The following CENPE variants were observed in gnomAD, a reference collection of about 807,000 sequenced individuals.
The protein encoded by CENPE is centromere protein E.
A neutral mutation model predicts 336.1 loss-of-function variants in CENPE; 145 were observed. That is an observed-to-expected ratio of 0.43 (90% CI 0.38 to 0.50). The LOEUF is 0.50. CENPE is among the 20% of genes least tolerant of loss of function. The probability of loss-of-function intolerance (pLI) is 0.00; values close to 1 mark genes in which losing one functional copy is unlikely to be tolerated. For synonymous variants in CENPE, 1,013 were observed against 984.8 expected, an observed-to-expected ratio of 1.03 and a Z score of -0.54; for missense variants, 2,719 against 3,023.3, an observed-to-expected ratio of 0.90 and a Z score of 2.36.
rs1306850399 is a variant in CENPE, at chr4:103,196,154, A to C, written c.238+9T>G. On this transcript the variant is annotated intron_variant, in intron 3 of 48. Coordinates refer to ENST00000265148, the MANE Select transcript of CENPE (RefSeq NM_001813.3). Reference sequence around the variant, plus strand: ...TAAAATGTTTCTGCAGCATTGAGTGAATACAAACCATTGTAGCCTTGTATG... The same window carrying C: ...TAAAATGTTTCTGCAGCATTGAGTGCATACAAACCATTGTAGCCTTGTATG... The C allele has an allele frequency of 3.7e-6, 6 of 1,608,266 alleles. No homozygotes were observed. Among genetic ancestry groups the C allele is most frequent in the African/African-American group, 1.3e-5 (1 of 74,810 alleles).
At chr4:103,193,797 CTAAAG>C (rs1757539691) in intron 8 of CENPE, among the ~76,000 whole-genome samples, 1 of 151,952 alleles carries the variant, frequency 6.6e-6, no homozygotes, top group Non-Finnish European at 1.5e-5. Flanking sequence ...TAAGTAAAAC[CTAAAG>C]TAATGTGATT....
rs1748859927 is a variant in CENPE at position 103,105,908 on chromosome 4, T to G, written c.*314A>C. 1 of 183,308 alleles carries G rather than the reference T, an allele frequency of 5.5e-6. No homozygotes were observed. The highest frequency in any genetic ancestry group is 1.1e-5 in the Non-Finnish European group (1 of 88,690). The allele number at this position is 183,308 out of a possible 1,614,324, so 11.4% of individuals were successfully genotyped here. ...TTTTATATTAATGTATGTATTATGC[T>G]TTGGAATATGCTAAGTCATGTAGAT... On this transcript the variant is annotated 3_prime_UTR_variant, in exon 49 of 49. Coordinates refer to ENST00000265148, the MANE Select transcript of CENPE (RefSeq NM_001813.3).
intron 42 of CENPE, among the ~76,000 whole-genome samples, chr4:103,126,320 C>T (rs1239128943): frequency 6.6e-6 from 1 of 152,046 alleles, no homozygotes; most frequent in Admixed American, 6.6e-5. Flanking sequence ...GAAACTATTT[C>T]ACCAGAGCCT....
In CENPE at chr4:103,133,703, G is replaced by A. The variant is rs376146367; in HGVS notation, c.6712C>T (p.His2238Tyr). 1 of 1,583,596 alleles carries A rather than the reference G, an allele frequency of 6.3e-7. No homozygotes were observed. Among genetic ancestry groups the A allele is most frequent in the Non-Finnish European group, 8.6e-7 (1 of 1,158,546 alleles). Residue 2238 changes from histidine (H) to tyrosine (Y), a missense_variant, in exon 41 of 49, where the codon CAT becomes TAT. Physicochemically the swap from His to Tyr is moderately conservative, Grantham distance 83 (BLOSUM62 2). This residue lies in a region of CENPE where 2,437 missense variants were observed against 2,513.3 expected (regional missense o/e 0.97). Transcript: ENST00000265148. ...DLKLNQNMDLHIEEILKDFSE... is the reference protein window; with the variant it reads ...DLKLNQNMDLYIEEILKDFSE... Reference sequence around the variant, plus strand: ...TTTAAAATAAATTATACCTCAATATGTAGATCCATATTCTGGTTCAATTTG... The same window carrying A: ...TTTAAAATAAATTATACCTCAATATATAGATCCATATTCTGGTTCAATTTG...
At chr4:103,176,836 T>C (rs1402725973) in intron 14 of CENPE, 63 bp downstream of exon 14, 30 of 1,262,734 alleles carry the variant, frequency 2.4e-5, no homozygotes, top group Non-Finnish European at 3.1e-5. Context: ...GCTATAAACA[T>C]AGTTTCTCTT....
intron 8 of CENPE, among the ~76,000 whole-genome samples, chr4:103,188,829 C>A (rs1481472369): frequency 2.0e-5 from 3 of 152,030 alleles, no homozygotes; most frequent in Non-Finnish European, 4.4e-5. Context: ...ACAAAAAACC[C>A]TTCAAAAAAT....
Position 103,132,682 on chromosome 4 carries a change from G to C in CENPE, c.6924+11C>G, listed in dbSNP as rs750026210. The C allele has an allele frequency of 7.0e-5, 96 of 1,375,380 alleles. No individual in the cohort carries two copies. In the East Asian group the frequency reaches 2.3e-3, roughly 33 times the overall value. 85.2% of individuals were successfully genotyped at this position (1,375,380 alleles called of 1,614,324 possible). ...CAACAAAAAAGTAGTACAGCAAAAA[G>C]TAATACTTACAATTATTCTGTTATT... On this transcript the variant is annotated intron_variant, in intron 42 of 48. Transcript: ENST00000265148.
At chr4:103,172,812 A>G (rs1366805333) in intron 16 of CENPE, among the ~76,000 whole-genome samples, 1 of 152,026 alleles carries the variant, frequency 6.6e-6, no homozygotes, top group African/African-American at 2.4e-5. Flanking sequence ...CTATCCAAGG[A>G]GGTGTCAGAT....
In CENPE at chr4:103,146,302, A is replaced by T. The variant is rs187065815; in HGVS notation, c.4135-195T>A. Among the ~76,000 whole-genome samples the T allele has an allele frequency of 2.6e-4, 40 of 152,322 alleles. 1 individual carries two copies. Among genetic ancestry groups the T allele is most frequent in the Admixed American group, 2.3e-3 (35 of 15,308 alleles). ...AAAATTGAGGTCTCACTGTGTTGTC[A>T]GCATCTTATTCGAGGCTGGAGACAA... On this transcript the variant is annotated intron_variant, in intron 29 of 48. Coordinates refer to ENST00000265148, the MANE Select transcript of CENPE (RefSeq NM_001813.3).
chr4:103,178,805 T>C (rs1454695950), intron 13 of CENPE, among the ~76,000 whole-genome samples: 2 of 152,236 alleles, frequency 1.3e-5, no homozygotes, highest in African/African-American at 4.8e-5. Context: ...GGCTGCTTTA[T>C]GGATTCTTCT....
intron 45 of CENPE, 62 bp downstream of exon 45, chr4:103,116,515 T>C (rs761067009): frequency 2.3e-5 from 17 of 727,540 alleles, no homozygotes; most frequent in Non-Finnish European, 3.6e-5. Flanking sequence ...ATGAAAAGTA[T>C]ATGTAGTTTA....
In CENPE at chr4:103,110,196, G is replaced by A. The variant is rs138519976; in HGVS notation, c.7724+632C>T. Among the ~76,000 whole-genome samples the A allele has an allele frequency of 9.9e-5, 15 of 152,254 alleles. No homozygotes were observed. The East Asian group carries it at 2.9e-3, about 29-fold the overall frequency. ...GGGTTCCCAGTGTGTATAGTAGAAA[G>A]ATAAGTGCAATAAAACGAGGTATGC... On this transcript the variant is annotated intron_variant, in intron 47 of 48. Coordinates refer to ENST00000265148, the MANE Select transcript of CENPE (RefSeq NM_001813.3).
At chr4:103,197,769 T>C (rs1757850746) in intron 1 of CENPE, among the ~76,000 whole-genome samples, 1 of 152,248 alleles carries the variant, frequency 6.6e-6, no homozygotes, top group Non-Finnish European at 1.5e-5. Flanking sequence ...CACTGGGCAA[T>C]GACGGGAGTG....
chr4:103,191,326 C>G (rs954967970), intron 8 of CENPE, among the ~76,000 whole-genome samples: 1 of 152,178 alleles, frequency 6.6e-6, no homozygotes, highest in Non-Finnish European at 1.5e-5. Flanking sequence ...TAAAATCATG[C>G]TGCTATAAAG....
rs201169432 is a variant in CENPE, at chr4:103,151,251, G to T, written c.3364C>A (p.Leu1122Met). ...EGELSRTCDR[L>M]AEVEEKLKEK... is the part of the protein sequence containing the mutation. ...TTTAGTTTTTCTTCAACTTCTGCCAGTCTGTCACAGGTCCTAGAAAGCTCT... is the reference window on the plus strand; with the variant it reads ...TTTAGTTTTTCTTCAACTTCTGCCATTCTGTCACAGGTCCTAGAAAGCTCT... Residue 1122 changes from leucine (L) to methionine (M), a missense_variant, in exon 26 of 49, where the codon CTG becomes ATG. Physicochemically the swap from Leu to Met is conservative, Grantham distance 15. Coordinates refer to ENST00000265148, the MANE Select transcript of CENPE (RefSeq NM_001813.3). 2.5e-6 allele frequency: 4 copies of T among 1,600,638 alleles called. No homozygotes were observed. In the South Asian group the frequency reaches 4.6e-5, roughly 18 times the overall value.
chr4:103,137,179 A>G (rs942635056), intron 39 of CENPE, among the ~76,000 whole-genome samples: 1 of 139,746 alleles, frequency 7.2e-6, no homozygotes, highest in African/African-American at 2.5e-5. Flanking sequence ...GGCAACTGCT[A>G]AACTTCCTTT....
chr4:103,192,571 A>T (rs1027506189), intron 8 of CENPE, among the ~76,000 whole-genome samples: 3 of 152,192 alleles, frequency 2.0e-5, no homozygotes, highest in African/African-American at 7.2e-5. Flanking sequence ...GCACCCATGG[A>T]AATGTTTAAA....
chr4:103,120,861 G>A (rs565067010), intron 43 of CENPE, among the ~76,000 whole-genome samples: 2 of 151,760 alleles, frequency 1.3e-5, no homozygotes, highest in Non-Finnish European at 2.9e-5. Flanking sequence ...TCAGCCTCCC[G>A]AGTAGCTGGG....
At chr4:103,109,505 T>C (rs1299873503) in intron 47 of CENPE, among the ~76,000 whole-genome samples, 2 of 152,178 alleles carry the variant, frequency 1.3e-5, no homozygotes, top group Non-Finnish European at 2.9e-5. Flanking sequence ...ACTGTGCTTT[T>C]CTAGTTACAA....
Sources: gnomAD v4.1 joint callset for allele counts (sites outside exome capture counted in the v4.1 genomes callset) on GRCh38, gnomAD v4.1.1 for gene constraint, gnomAD v4.1.1 regional missense constraint, MANE v1.5 for transcripts, NCBI Gene and HGNC (gene_info 2026-07-23, HGNC 2026-07-21) for gene names.